The following ZNF839 variants were observed in gnomAD, a reference collection of about 807,000 sequenced individuals.
ZNF839 encodes zinc finger protein 839.
Under a neutral mutation model 56.4 loss-of-function variants are expected in ZNF839, and 38 were observed. The observed-to-expected ratio is 0.67, with a 90% CI of 0.52 to 0.88. The LOEUF is 0.88. ZNF839 is among the 40% of genes least tolerant of loss of function. ZNF839 has a pLI of 0.00. For synonymous variants in ZNF839, 486 were observed against 493.5 expected (o/e 0.98, Z 0.20); for missense variants, 1,091 against 1,177.6 (o/e 0.93, Z 1.08).
chr14:102,341,997 G>A lies in ZNF839; in HGVS notation c.2602G>A (p.Glu868Lys), dbSNP rs769054637. 31 of 1,613,852 alleles carry A rather than the reference G, an allele frequency of 1.9e-5. No individual in the cohort carries two copies. The highest frequency in any genetic ancestry group is 6.7e-5 in the East Asian group (3 of 44,894). Residue 868 changes from glutamate to lysine, a missense_variant, in exon 8 of 8, where the codon GAA becomes AAA. Glu to Lys is a moderately conservative substitution (Grantham distance 56). Coordinates refer to ENST00000442396, the MANE Select transcript of ZNF839 (RefSeq NM_018335.6). ...ACTGGAGAGCGTGGTTGCTGTCGGC[G>A]AAGCCATGGCTTTTGAAATTTCCAA... ...RELESVVAVG[E>K]AMAFEISNGS...
At chr14:102,334,065 TC>T (rs1206916071) in intron 3 of ZNF839, among the ~76,000 whole-genome samples, 3 of 152,246 alleles carry the variant, frequency 2.0e-5, no homozygotes, top group Non-Finnish European at 4.4e-5. Context: ...CTGCCAGGCT[TC>T]CAGCCCTGCC....
At chr14:102,321,405 C>T (rs2073121563) in intron 1 of ZNF839, among the ~76,000 whole-genome samples, 1 of 152,194 alleles carries the variant, frequency 6.6e-6, no homozygotes, top group African/African-American at 2.4e-5. Flanking sequence ...AATATGGCCA[C>T]AGCTTTTTGG....
In ZNF839 at chr14:102,333,919, T is replaced by C. The variant is rs115221739; in HGVS notation, c.1417-635T>C. Among the ~76,000 whole-genome samples the C allele has an allele frequency of 4.1e-3, 618 of 152,138 alleles. 9 individuals carry two copies. The highest frequency in any genetic ancestry group is 0.014 in the African/African-American group (576 of 41,510). ...ATTCTTGACTTTCTCCTTCACTCAC[T>C]CCTCCCCATGTCCTGTGGTCGCTAA... On this transcript the variant is annotated intron_variant, in intron 3 of 7. Coordinates refer to ENST00000442396, the MANE Select transcript of ZNF839 (RefSeq NM_018335.6).
At position 102,319,746 on chromosome 14, in the gene ZNF839, G is replaced by A; in HGVS notation, c.-20G>A. The A allele has an allele frequency of 7.3e-6, 9 of 1,228,542 alleles. No individual in the cohort carries two copies. The South Asian group carries it at 3.3e-4, about 45-fold the overall frequency. 76.1% of individuals were successfully genotyped at this position (1,228,542 alleles called of 1,614,324 possible). On this transcript the variant is annotated 5_prime_UTR_variant, in exon 1 of 8. Transcript: ENST00000442396. This position sits in a 1 kb window ranked among gnomAD's most constrained non-coding sequence, Gnocchi z 4.5. ...CGCCGTCGCTCAGCGACCCGGGTTC[G>A]AGTCCCCGCCTCGGCCGCCATGGCG...
At chr14:102,335,301 T>A (rs563716642) in intron 4 of ZNF839, 2 of 182,868 alleles carry the variant, frequency 1.1e-5, no homozygotes, top group South Asian at 2.5e-4. Context: ...AGCTGGCCTC[T>A]TCTGCCCGCG....
At chr14:102,330,237 A>G (rs1226364466) in intron 2 of ZNF839, among the ~76,000 whole-genome samples, 1 of 148,860 alleles carries the variant, frequency 6.7e-6, no homozygotes, top group Non-Finnish European at 1.5e-5. Flanking sequence ...TTTAATTTTT[A>G]TTATTATTTT....
Position 102,335,538 on chromosome 14 carries a change from C to T in ZNF839, c.1510-151C>T, listed in dbSNP as rs942642761. On this transcript the variant is annotated intron_variant, in intron 4 of 7. Coordinates refer to ENST00000442396, the MANE Select transcript of ZNF839 (RefSeq NM_018335.6). Reference sequence around the variant, plus strand: ...GCTTCTCTGCACCATGCGGGGCACACAGTAGGTGCTCACTGGGGACTGAAG... The same window carrying T: ...GCTTCTCTGCACCATGCGGGGCACATAGTAGGTGCTCACTGGGGACTGAAG... 1.4e-5 allele frequency: 10 copies of T among 724,190 alleles called. No homozygotes were observed. The South Asian group carries it at 1.9e-4, about 14-fold the overall frequency. The allele number at this position is 724,190 out of a possible 1,614,324, so 44.9% of individuals were successfully genotyped here.
upstream of ZNF839, chr14:102,319,573 C>T: frequency 3.0e-6 from 2 of 668,216 alleles, no homozygotes; most frequent in Non-Finnish European, 4.2e-6. The surrounding 1 kb of genome is among the most constrained non-coding windows in gnomAD (Gnocchi z 4.5). Context: ...GGGGTCCGCT[C>T]TGCTGATCAG....
At chr14:102,319,576 C>T (rs769993174), upstream of ZNF839, 118 of 699,312 alleles carry the variant, frequency 1.7e-4, no homozygotes, top group Non-Finnish European at 2.2e-4. The surrounding 1 kb of genome is among the most constrained non-coding windows in gnomAD (Gnocchi z 4.5). Context: ...GTCCGCTCTG[C>T]TGATCAGCCC....
At chr14:102,328,841 CTG>C (rs2073614237) in intron 2 of ZNF839, among the ~76,000 whole-genome samples, 1 of 152,180 alleles carries the variant, frequency 6.6e-6, no homozygotes. Flanking sequence ...TAATATCTCA[CTG>C]TGTGTACATA....
chr14:102,330,131 G>A (rs1198767556), intron 2 of ZNF839, among the ~76,000 whole-genome samples: 1 of 151,794 alleles, frequency 6.6e-6, no homozygotes, highest in African/African-American at 2.4e-5. Context: ...AGTTTTGGCA[G>A]GTTTTGTGTA....
intron 2 of ZNF839, among the ~76,000 whole-genome samples, chr14:102,330,646 T>G (rs1397339626): frequency 6.6e-6 from 1 of 151,816 alleles, no homozygotes; most frequent in Non-Finnish European, 1.5e-5. Context: ...GTGATTCTTC[T>G]GCCTCAGCCT....
intron 7 of ZNF839, among the ~76,000 whole-genome samples, chr14:102,339,979 A>G (rs563984300): frequency 3.7e-4 from 56 of 150,144 alleles, no homozygotes; most frequent in Non-Finnish European, 7.4e-5. Context: ...ATATATATAA[A>G]TTTTTTTTTT....
intron 6 of ZNF839, 30 bp from the exon 7 acceptor site, chr14:102,339,064 A>C: frequency 6.2e-7 from 1 of 1,613,740 alleles, no homozygotes; most frequent in Non-Finnish European, 8.5e-7. Flanking sequence ...ATTCCTTCCT[A>C]TTCTAGCTGA....
chr14:102,337,148 C>G (rs992227769), intron 5 of ZNF839: 1 of 151,930 alleles, frequency 6.6e-6, no homozygotes, highest in African/African-American at 2.4e-5. Flanking sequence ...TATCAAATTG[C>G]CTTTAGCTAC....
chr14:102,324,350 C>G (rs1257444203), intron 1 of ZNF839, among the ~76,000 whole-genome samples: 1 of 152,130 alleles, frequency 6.6e-6, no homozygotes, highest in East Asian at 1.9e-4. Context: ...TGAGACCACC[C>G]TGACCAACAT....
intron 7 of ZNF839, 114 bp from the exon 8 acceptor site, chr14:102,341,209 C>CT: frequency 7.7e-7 from 1 of 1,298,728 alleles, no homozygotes; most frequent in Non-Finnish European, 1.0e-6. Context: ...AGCATCGATG[C>CT]TTTGACTTTT....
chr14:102,319,720 A>C (rs1225743485), upstream of ZNF839: 1 of 1,224,896 alleles, frequency 8.2e-7, no homozygotes, highest in South Asian at 4.1e-5. This position sits in a 1 kb window ranked among gnomAD's most constrained non-coding sequence, Gnocchi z 4.5. Flanking sequence ...TACATTGGAG[A>C]CGCCGTCGCT....
rs1567288795 is a variant in ZNF839 at position 102,328,398 on chromosome 14, ATATATATATATAT to A, written c.1191+1512_1191+1524del. Among the ~76,000 whole-genome samples the A allele has an allele frequency of 7.4e-4, 81 of 109,980 alleles. 1 individual carries two copies. The highest frequency in any genetic ancestry group is 7.3e-3 in the South Asian group (25 of 3,424). The allele number at this position is 109,980 out of a possible 152,430, so 72.2% of individuals were successfully genotyped here. ...AAAATATATATATATATATATATAT[ATATATATATATAT>A]GTATACACACACACACATATAGTAG... On this transcript the variant is annotated intron_variant, in intron 2 of 7. Coordinates refer to ENST00000442396, the MANE Select transcript of ZNF839 (RefSeq NM_018335.6).
Sources: gnomAD v4.1 joint callset for allele counts (sites outside exome capture counted in the v4.1 genomes callset) on GRCh38, gnomAD v4.1.1 for gene constraint, Gnocchi (gnomAD v3.1) non-coding constraint, MANE v1.5 for transcripts, NCBI Gene and HGNC (gene_info 2026-07-23, HGNC 2026-07-21) for gene names.